Variants in DNAJC24 observed in about 807,000 individuals in gnomAD.
DNAJC24 encodes DnaJ heat shock protein family (Hsp40) member C24, also known as dnaJ homolog subfamily C member 24.
In DNAJC24, 17 loss-of-function variants were observed where a neutral mutation model predicts 18.0. The observed-to-expected ratio is 0.94, with a 90% CI of 0.65 to 1.42. The LOEUF (loss-of-function observed/expected upper bound fraction) is 1.42, where lower values mean the gene tolerates loss of function less well. Among genes scored for constraint, DNAJC24 ranks in the 40% most tolerant of loss-of-function variants. DNAJC24 has a pLI of 0.00. For synonymous variants in DNAJC24, 55 were observed against 57.7 expected (o/e 0.95, Z 0.21); for missense variants, 158 against 175.6 (o/e 0.90, Z 0.57).
At chr11:31,397,023 C>T (rs1269907874) in intron 2 of DNAJC24, among the ~76,000 whole-genome samples, 1 of 152,194 alleles carries the variant, frequency 6.6e-6, no homozygotes, top group Non-Finnish European at 1.5e-5. Context: ...CCTTCAAAAC[C>T]TAGTCATATA....
chr11:31,430,444 A>G lies in DNAJC24; in HGVS notation c.*43A>G, dbSNP rs1306774436. On this transcript the variant is annotated 3_prime_UTR_variant, in exon 5 of 5. Coordinates refer to ENST00000465995, the MANE Select transcript of DNAJC24 (RefSeq NM_181706.5). ...AATGCTTTAACTGTGGTATTGAGAC[A>G]TGATGAGAAGCCGTTGAGCTTTGTC... is the stretch of plus-strand genomic sequence containing the variant. 1.3e-6 allele frequency: 2 copies of G among 1,546,580 alleles called. No individual in the cohort carries two copies. The highest frequency in any genetic ancestry group is 1.8e-5 in the Admixed American group (1 of 55,548).
At chr11:31,402,623 C>A (rs954123588) in intron 2 of DNAJC24, among the ~76,000 whole-genome samples, 1 of 152,098 alleles carries the variant, frequency 6.6e-6, no homozygotes. Flanking sequence ...CACCTCCCAC[C>A]TCAGCCTCTT....
intron 2 of DNAJC24, among the ~76,000 whole-genome samples, chr11:31,378,049 G>A (rs1170512150): frequency 6.6e-6 from 1 of 152,032 alleles, no homozygotes; most frequent in Non-Finnish European, 1.5e-5. Context: ...AAAGTAGAAA[G>A]GGGACCTGTA....
intron 2 of DNAJC24, among the ~76,000 whole-genome samples, chr11:31,399,232 G>C (rs1283522483): frequency 6.6e-6 from 1 of 152,074 alleles, no homozygotes; most frequent in East Asian, 1.9e-4. Flanking sequence ...ACTAACAAAA[G>C]GAATTGGTAT....
At chr11:31,399,614 A>G (rs1952578545) in intron 2 of DNAJC24, among the ~76,000 whole-genome samples, 2 of 150,224 alleles carry the variant, frequency 1.3e-5, no homozygotes, top group South Asian at 2.1e-4. Flanking sequence ...GGATTCCAAC[A>G]TATTGGCCAG....
At position 31,393,656 on chromosome 11, in the gene DNAJC24, G is replaced by A. The variant is rs957536320; in HGVS notation, c.112-21155G>A. On this transcript the variant is annotated intron_variant, in intron 2 of 4. Coordinates refer to ENST00000465995, the MANE Select transcript of DNAJC24 (RefSeq NM_181706.5). ...GTGTCATCTCGGAAGCAGAGATACT[G>A]GGCTCTGACCTGCTTGTACCTTGAT... 5.3e-5 allele frequency among the ~76,000 whole-genome samples: 8 copies of A among 152,216 alleles called. No individual in the cohort carries two copies. In the East Asian group the frequency reaches 1.5e-3, roughly 29 times the overall value.
intron 2 of DNAJC24, among the ~76,000 whole-genome samples, chr11:31,410,218 T>C (rs1462226530): frequency 6.6e-6 from 1 of 152,170 alleles, no homozygotes; most frequent in East Asian, 1.9e-4. Flanking sequence ...CTTTTAGATA[T>C]GTAGTAATAT....
At chr11:31,411,386 A>G (rs1952707947) in intron 2 of DNAJC24, among the ~76,000 whole-genome samples, 1 of 152,234 alleles carries the variant, frequency 6.6e-6, no homozygotes, top group African/African-American at 2.4e-5. Flanking sequence ...AATTTCTCAT[A>G]GCAGTAAAAA....
At chr11:31,415,497 T>C (rs1460153015) in intron 3 of DNAJC24, 6 of 152,226 alleles carry the variant, frequency 3.9e-5, no homozygotes, top group Admixed American at 6.5e-5. Flanking sequence ...TTTATGCTTT[T>C]TAGAAAATAG....
intron 3 of DNAJC24, among the ~76,000 whole-genome samples, chr11:31,424,803 AACTC>A (rs1952844800): frequency 6.6e-6 from 1 of 152,152 alleles, no homozygotes; most frequent in Non-Finnish European, 1.5e-5. Context: ...AAAATTATGT[AACTC>A]ACTAATAAAT....
At chr11:31,386,218 G>C (rs777844827) in intron 2 of DNAJC24, among the ~76,000 whole-genome samples, 39 of 151,992 alleles carry the variant, frequency 2.6e-4, no homozygotes, top group Non-Finnish European at 4.7e-4. Context: ...GCTGGGCTCA[G>C]AGCCAGTTGA....
rs201981981 is a variant in DNAJC24 at position 31,414,910 on chromosome 11, A to G, written c.211A>G (p.Asn71Asp). 1.2e-6 allele frequency: 2 copies of G among 1,614,066 alleles called. No individual in the cohort carries two copies. Among genetic ancestry groups the G allele is most frequent in the African/African-American group, 2.7e-5 (2 of 75,052 alleles). The part of the protein sequence containing the change: ...EIDQAWKILG[N>D]EETKREYDLQ... ...TGATCAAGCATGGAAAATTCTAGGA[A>G]ATGAAGAGACAAAAAGAGAGTATGA... The change falls in exon 3 of 5, where the codon AAT becomes GAT. Residue 71 changes from asparagine (N) to aspartate (D), a missense_variant. Asn to Asp is a conservative substitution (Grantham distance 23). Transcript: ENST00000465995.
At chr11:31,396,020 C>CTGTCACT (rs1428816917) in intron 2 of DNAJC24, among the ~76,000 whole-genome samples, 2 of 152,312 alleles carry the variant, frequency 1.3e-5, no homozygotes, top group South Asian at 4.1e-4. Context: ...GTTCTTTGAA[C>CTGTCACT]TGTCACTCCT....
At chr11:31,403,339 T>C (rs1258742717) in intron 2 of DNAJC24, among the ~76,000 whole-genome samples, 2 of 152,138 alleles carry the variant, frequency 1.3e-5, no homozygotes, top group African/African-American at 4.8e-5. Flanking sequence ...CAGCTCATGC[T>C]AAAGACCCAA....
At position 31,430,293 on chromosome 11, in the gene DNAJC24, T is replaced by A. The variant is rs374683494; in HGVS notation, c.342T>A (p.Ser114Arg). ...WNEGDHSFYLSCRCGGKYSVS... is the reference protein window; with the variant it reads ...WNEGDHSFYLRCRCGGKYSVS... Reference sequence around the variant, plus strand: ...CAGGTGATCACTCTTTTTATCTGAGTTGCAGATGTGGTGGAAAATACAGTG... The same window carrying A: ...CAGGTGATCACTCTTTTTATCTGAGATGCAGATGTGGTGGAAAATACAGTG... Residue 114 changes from serine (S) to arginine (R), a missense_variant, in exon 5 of 5, where the codon AGT becomes AGA. Ser to Arg is a moderately radical substitution (Grantham distance 110). Coordinates refer to ENST00000465995, the MANE Select transcript of DNAJC24 (RefSeq NM_181706.5). 1 of 1,609,550 alleles carries A rather than the reference T, an allele frequency of 6.2e-7. No individual in the cohort carries two copies. Among genetic ancestry groups the A allele is most frequent in the African/African-American group, 1.3e-5 (1 of 74,824 alleles).
rs2133513847 is a variant in DNAJC24, at chr11:31,432,383, A to G, written c.*1982A>G. 1 of 666,744 alleles carries G rather than the reference A, an allele frequency of 1.5e-6. No homozygotes were observed. The highest frequency in any genetic ancestry group is 2.6e-6 in the Non-Finnish European group (1 of 390,756). The allele number at this position is 666,744 out of a possible 1,614,324, so 41.3% of individuals were successfully genotyped here. On this transcript the variant is annotated 3_prime_UTR_variant, in exon 5 of 5. Transcript: ENST00000465995. ...TGTTGAATATTCTTTACATTTAACA[A>G]TTAAAAACAACTAAAACTGAATAGC... is the stretch of plus-strand genomic sequence containing the variant.
chr11:31,378,129 T>G (rs1952336312), intron 2 of DNAJC24, among the ~76,000 whole-genome samples: 2 of 152,124 alleles, frequency 1.3e-5, no homozygotes. Context: ...ATAAGTCTTT[T>G]GAGTACATTA....
At chr11:31,373,686 G>A (rs1952287372) in intron 2 of DNAJC24, among the ~76,000 whole-genome samples, 1 of 134,534 alleles carries the variant, frequency 7.4e-6, no homozygotes, top group Admixed American at 7.7e-5. Context: ...TATCCACTTT[G>A]GTAGAATGGC....
chr11:31,419,321 A>C (rs1038503426), intron 3 of DNAJC24, among the ~76,000 whole-genome samples: 4 of 152,030 alleles, frequency 2.6e-5, no homozygotes, highest in Admixed American at 2.0e-4. Context: ...GAAATGATGC[A>C]GAAAATCCAT....
Sources: gnomAD v4.1 joint callset for allele counts (sites outside exome capture counted in the v4.1 genomes callset) on GRCh38, gnomAD v4.1.1 for gene constraint, MANE v1.5 for transcripts, NCBI Gene and HGNC (gene_info 2026-07-23, HGNC 2026-07-21) for gene names.